SEMA6D: variants seen among roughly 807,000 people sequenced by gnomAD.
SEMA6D encodes semaphorin 6D, also known as semaphorin-6D.
A neutral mutation model predicts 106.6 loss-of-function variants in SEMA6D; 35 were observed. That is an observed-to-expected ratio of 0.33 (90% CI 0.25 to 0.44). SEMA6D has a LOEUF of 0.44. Ranked by LOEUF, SEMA6D falls within the 20% of genes least tolerant of loss-of-function variation. The pLI is 1.00. For missense variants in SEMA6D, 1,185 were observed against 1,345.9 expected (o/e 0.88, Z 1.87); for synonymous variants, 499 against 487.7 (o/e 1.02, Z -0.31).
intron 2 of SEMA6D, among the ~76,000 whole-genome samples, chr15:47,428,074 T>C (rs550393949): frequency 1.4e-4 from 22 of 152,234 alleles, no homozygotes; most frequent in African/African-American, 4.6e-4. Context: ...AAGAGATCTA[T>C]GCTTAAAAAA....
In SEMA6D at chr15:47,254,331, G is replaced by GTATATA. The variant is rs3050479; in HGVS notation, c.-239+69930_-239+69935dup. Among the ~76,000 whole-genome samples, 424 of 139,248 alleles carry GTATATA rather than the reference G, an allele frequency of 3.0e-3. 2 individuals are homozygous for GTATATA. The highest frequency in any genetic ancestry group is 4.5e-3 in the Non-Finnish European group (288 of 64,628). The allele number at this position is 139,248 out of a possible 152,430, so 91.4% of individuals were successfully genotyped here. A position where few individuals can be genotyped will look rare whatever the true frequency, so the allele number is the denominator to read the frequency against. On this transcript the variant is annotated intron_variant, in intron 1 of 19. Coordinates refer to the SEMA6D transcript ENST00000558014. ...TATATGTATATATATGTGTGTGTGT[G>GTATATA]TATATATATATATATATATATAAAT...
At chr15:47,382,381 G>A (rs1277204838) in intron 1 of SEMA6D, among the ~76,000 whole-genome samples, 1 of 152,038 alleles carries the variant, frequency 6.6e-6, no homozygotes, top group African/African-American at 2.4e-5. Context: ...ATGGTGGCGG[G>A]GGCCTGTAGT....
At chr15:47,483,200 G>A (rs922540471) in intron 3 of SEMA6D, among the ~76,000 whole-genome samples, 1 of 152,074 alleles carries the variant, frequency 6.6e-6, no homozygotes, top group Non-Finnish European at 1.5e-5. Context: ...ATATTTGCTG[G>A]AAAACCTCAT....
intron 1 of SEMA6D, among the ~76,000 whole-genome samples, chr15:47,341,750 A>G (rs1255246556): frequency 6.6e-6 from 1 of 152,176 alleles, no homozygotes; most frequent in African/African-American, 2.4e-5. Context: ...AGAAAAAATT[A>G]CTCAGAGTAA....
chr15:47,581,229 ATGAAGTTT>A (rs2076248932), intron 3 of SEMA6D: 8 of 397,348 alleles, frequency 2.0e-5, no homozygotes, highest in Non-Finnish European at 3.9e-5. Context: ...CGTGTCCCTG[ATGAAGTTT>A]TTGCATGTTG....
At chr15:47,501,840 G>T (rs2043858289) in intron 3 of SEMA6D, among the ~76,000 whole-genome samples, 1 of 150,524 alleles carries the variant, frequency 6.6e-6, no homozygotes. Context: ...CCACCTACTG[G>T]CTGGAGGAGA....
At chr15:47,196,102 C>G (rs914769589) in intron 1 of SEMA6D, among the ~76,000 whole-genome samples, 1 of 151,770 alleles carries the variant, frequency 6.6e-6, no homozygotes, top group Non-Finnish European at 1.5e-5. Flanking sequence ...ATAGCCCACA[C>G]GTTGTAGGTC....
At chr15:47,311,288 T>G (rs1427281059) in intron 1 of SEMA6D, among the ~76,000 whole-genome samples, 3 of 152,216 alleles carry the variant, frequency 2.0e-5, no homozygotes, top group African/African-American at 7.2e-5. Flanking sequence ...TGAGACCCTT[T>G]GTGAGAGCTC....
chr15:47,220,204 A>G (rs1378217), intron 1 of SEMA6D, among the ~76,000 whole-genome samples: 1,846 of 152,266 alleles, frequency 0.012, 42 homozygotes, highest in Admixed American at 0.012. Flanking sequence ...TGCAAATGGT[A>G]TGGACACAGG....
At chr15:47,216,707 A>C (rs2030651529) in intron 1 of SEMA6D, among the ~76,000 whole-genome samples, 1 of 152,164 alleles carries the variant, frequency 6.6e-6, no homozygotes, top group Admixed American at 6.6e-5. Context: ...AAAAAGATAA[A>C]TACTTGAAAA....
At chr15:47,475,141 G>A (rs1270355413) in intron 3 of SEMA6D, among the ~76,000 whole-genome samples, 1 of 152,138 alleles carries the variant, frequency 6.6e-6, no homozygotes, top group Non-Finnish European at 1.5e-5. Flanking sequence ...CAAGCAATTA[G>A]TGTACATTCA....
chr15:47,187,140 G>C (rs1432809239), intron 1 of SEMA6D, among the ~76,000 whole-genome samples: 1 of 152,074 alleles, frequency 6.6e-6, no homozygotes, highest in South Asian at 2.1e-4. Context: ...TGGAAAGGGG[G>C]CATAGAAAAT....
At chr15:47,598,828 T>C (rs549807756) in intron 3 of SEMA6D, among the ~76,000 whole-genome samples, 1 of 152,242 alleles carries the variant, frequency 6.6e-6, no homozygotes, top group African/African-American at 2.4e-5. Context: ...AGAAAAACAA[T>C]AGCAAATAAT....
At chr15:47,451,121 C>T (rs1393049350) in intron 2 of SEMA6D, among the ~76,000 whole-genome samples, 2 of 152,070 alleles carry the variant, frequency 1.3e-5, no homozygotes, top group Admixed American at 1.3e-4. Flanking sequence ...TTCCTGATTC[C>T]TTTTGCAGGG....
chr15:47,200,472 G>A (rs60433232), intron 1 of SEMA6D, among the ~76,000 whole-genome samples: 187 of 152,064 alleles, frequency 1.2e-3, no homozygotes, highest in African/African-American at 4.3e-3. Flanking sequence ...GTACTCAAAA[G>A]CATAAAATAA....
At chr15:47,634,968 T>C (rs1231324313) in intron 4 of SEMA6D, among the ~76,000 whole-genome samples, 3 of 152,256 alleles carry the variant, frequency 2.0e-5, no homozygotes, top group East Asian at 3.9e-4. Context: ...TTCCTGGTGT[T>C]TTGGCTAGGA....
chr15:47,203,496 A>G (rs1894853034), intron 1 of SEMA6D, among the ~76,000 whole-genome samples: 1 of 152,250 alleles, frequency 6.6e-6, no homozygotes, highest in South Asian at 2.1e-4. Flanking sequence ...TAAGAACAAG[A>G]CAACCTTTAA....
chr15:47,626,078 A>G (rs531887892), intron 4 of SEMA6D, among the ~76,000 whole-genome samples: 1 of 152,220 alleles, frequency 6.6e-6, no homozygotes, highest in Admixed American at 6.5e-5. Context: ...ACTTGTGCCC[A>G]ATTTATAGGC....
intron 2 of SEMA6D, among the ~76,000 whole-genome samples, chr15:47,425,694 A>C (rs1372329682): frequency 6.7e-6 from 1 of 148,434 alleles, no homozygotes; most frequent in Non-Finnish European, 1.5e-5. Flanking sequence ...TTTTTGAGAC[A>C]GAGTTTCACT....
Sources: allele counts gnomAD v4.1 joint callset (sites outside exome capture counted in the v4.1 genomes callset), GRCh38; gene constraint gnomAD v4.1.1; transcripts MANE v1.5; gene names NCBI Gene and HGNC (gene_info 2026-07-23, HGNC 2026-07-21).